The following NPTX1 variants were observed in gnomAD, a reference collection of about 807,000 sequenced individuals.
The protein encoded by NPTX1 is neuronal pentraxin 1.
A neutral mutation model predicts 38.7 loss-of-function variants in NPTX1; 12 were observed. The observed-to-expected ratio is 0.31, with a 90% CI of 0.20 to 0.50. The LOEUF is 0.50. Among genes scored for constraint, NPTX1 ranks in the 20% least tolerant of loss-of-function variants. The probability of loss-of-function intolerance (pLI) is 0.98; values close to 1 mark genes in which losing one functional copy is unlikely to be tolerated. For missense variants in NPTX1, 454 were observed against 592.2 expected, an observed-to-expected ratio of 0.77 and a Z score of 2.42; for synonymous variants, 272 against 264.9, an observed-to-expected ratio of 1.03 and a Z score of -0.26.
At position 80,475,815 on chromosome 17, in the gene NPTX1, G is replaced by A; in HGVS notation, c.445-97C>T. 1 of 1,038,478 alleles carries A rather than the reference G, an allele frequency of 9.6e-7. No homozygotes were observed. The highest frequency in any genetic ancestry group is 1.4e-6 in the Non-Finnish European group (1 of 730,582). The allele number at this position is 1,038,478 out of a possible 1,614,324, so 64.3% of individuals were successfully genotyped here. A position where few individuals can be genotyped will look rare whatever the true frequency, so the allele number is the denominator to read the frequency against. On this transcript the variant is annotated intron_variant, in intron 1 of 4. Transcript: ENST00000306773. This position sits in a 1 kb window ranked among gnomAD's most constrained non-coding sequence, Gnocchi z 6.5. The stretch of plus-strand genomic sequence containing the variant: ...CGCGGTCCCCTCTGGGCGACTGCGG[G>A]GGCGGCCTGGCAGGGAGCTGGGGCG...
rs771956878 is a variant in NPTX1, at chr17:80,476,108, C to A, written c.339G>T (p.Ser113=). The part of the protein sequence containing the change: ...RAGGGRKQPG[S]GKNTMGDLSR... ...ACAGGTCGCCCATGGTGTTCTTGCC[C>A]GAGCCGGGCTGCTTGCGGCCGCCGC... Residue 113 remains serine, a synonymous_variant, in exon 1 of 5, where the codon TCG becomes TCT. Transcript: ENST00000306773. This position sits in a 1 kb window ranked among gnomAD's most constrained non-coding sequence, Gnocchi z 6.3. The A allele has an allele frequency of 6.2e-7, 1 of 1,602,886 alleles. No individual in the cohort carries two copies. The highest frequency in any genetic ancestry group is 2.3e-5 in the East Asian group (1 of 44,102).
At chr17:80,472,732 G>C (rs1278700717) in intron 3 of NPTX1, among the ~76,000 whole-genome samples, 3 of 152,236 alleles carry the variant, frequency 2.0e-5, no homozygotes, top group African/African-American at 7.2e-5. Context: ...TGCCTGTGCT[G>C]TCCTGTTCCA....
chr17:80,473,869 C>T, intron 2 of NPTX1: 1 of 205,360 alleles, frequency 4.9e-6, no homozygotes, highest in South Asian at 7.6e-5. Context: ...GACCTGATTC[C>T]AGGATGGGGC....
Position 80,476,326 on chromosome 17 carries a change from T to C in NPTX1, c.121A>G (p.Met41Val), listed in dbSNP as rs763012179. The stretch of plus-strand genomic sequence containing the variant: ...CCGGCGGCCACGGACGCGGCGCACA[T>C]GTCGGCGTCCACGGGCACCGAGGTG... The part of the protein sequence containing the change: ...ICTSVPVDAD[M>V]CAASVAAGGA... Residue 41 changes from methionine to valine, a missense_variant, in exon 1 of 5, where the codon ATG (methionine) becomes GTG (valine). Transcript: ENST00000306773. This position sits in a 1 kb window ranked among gnomAD's most constrained non-coding sequence, Gnocchi z 6.3. 6.5e-7 allele frequency: 1 copy of C among 1,545,118 alleles called. No individual in the cohort carries two copies.
rs57367856 is a variant in NPTX1, at chr17:80,467,126, CTTTTTTTTTT to C, written c.*3677_*3686del. The C allele has an allele frequency of 2.5e-5, 2 of 79,104 alleles. No individual in the cohort carries two copies. The highest frequency in any genetic ancestry group is 1.0e-4 in the African/African-American group (2 of 19,888). The allele number at this position is 79,104 out of a possible 1,614,324, so 4.9% of individuals were successfully genotyped here. On this transcript the variant is annotated 3_prime_UTR_variant, in exon 5 of 5. Transcript: ENST00000306773. ...AACAATATCAACCATAGGGGGTTTG[CTTTTTTTTTT>C]TTTTTTTTTTTGGCAAATGAGACAA...
At position 80,471,091 on chromosome 17, in the gene NPTX1, A is replaced by G. The variant is rs546768539; in HGVS notation, c.1078-57T>C. The G allele has an allele frequency of 2.2e-6, 3 of 1,371,738 alleles. No individual in the cohort carries two copies. In the South Asian group the frequency reaches 4.0e-5, roughly 18 times the overall value. The allele number at this position is 1,371,738 out of a possible 1,614,324, so 85.0% of individuals were successfully genotyped here. A position where few individuals can be genotyped will look rare whatever the true frequency, so the allele number is the denominator to read the frequency against. The stretch of plus-strand genomic sequence containing the variant: ...GGGTCGCCAGGTGGTCTGGGGGCCC[A>G]TCCCTAGGCCGGGGATCTGAGTGCC... On this transcript the variant is annotated intron_variant, in intron 4 of 4. Coordinates refer to ENST00000306773, the MANE Select transcript of NPTX1 (RefSeq NM_002522.4).
At chr17:80,472,786 G>A (rs1182400947) in intron 3 of NPTX1, among the ~76,000 whole-genome samples, 1 of 152,208 alleles carries the variant, frequency 6.6e-6, no homozygotes, top group Non-Finnish European at 1.5e-5. Flanking sequence ...TTAGGGGGCT[G>A]AGTGGGATAG....
chr17:80,471,606 G>C, intron 4 of NPTX1, 126 bp downstream of exon 4: 1 of 1,436,820 alleles, frequency 7.0e-7, no homozygotes, highest in Non-Finnish European at 9.2e-7. Flanking sequence ...TGCCCAGCCT[G>C]CTCCCCGGGC....
chr17:80,473,084 C>G (rs985467975), intron 3 of NPTX1, 116 bp downstream of exon 3: 29 of 1,274,756 alleles, frequency 2.3e-5, no homozygotes, highest in Middle Eastern at 2.7e-4. Context: ...CTGGCAAACA[C>G]TTTCCTTGGG....
rs1047096588 is a variant in NPTX1 at position 80,469,995 on chromosome 17, G to A, written c.*818C>T. On this transcript the variant is annotated 3_prime_UTR_variant, in exon 5 of 5. Transcript: ENST00000306773. The stretch of plus-strand genomic sequence containing the variant: ...GAGGAGGTGGGAAGGTCGAGGGCAG[G>A]GCCGTCCTGGGGCAGAGCTAGCTGA... 6.6e-6 allele frequency: 1 copy of A among 152,558 alleles called. No individual in the cohort carries two copies. The highest frequency in any genetic ancestry group is 2.4e-5 in the African/African-American group (1 of 41,452). The allele number at this position is 152,558 out of a possible 1,614,324, so 9.5% of individuals were successfully genotyped here.
Position 80,470,558 on chromosome 17 carries a change from C to T in NPTX1, c.*255G>A. The T allele has an allele frequency of 2.5e-6, 1 of 395,622 alleles. No individual in the cohort carries two copies. Among genetic ancestry groups the T allele is most frequent in the Non-Finnish European group, 4.6e-6 (1 of 215,942 alleles). 24.5% of individuals were successfully genotyped at this position (395,622 alleles called of 1,614,324 possible). A position where few individuals can be genotyped will look rare whatever the true frequency, so the allele number is the denominator to read the frequency against. On this transcript the variant is annotated 3_prime_UTR_variant, in exon 5 of 5. Coordinates refer to ENST00000306773, the MANE Select transcript of NPTX1 (RefSeq NM_002522.4). ...CTGCCTTGTTCAAGACGTTGCAGCA[C>T]CCACTTCAGCTGTGAATGGGGCATG...
chr17:80,471,944 A>G (rs1265560024), intron 3 of NPTX1, 33 bp from the exon 4 acceptor site: 2 of 1,580,714 alleles, frequency 1.3e-6, no homozygotes, highest in South Asian at 1.1e-5. Context: ...CCAGCTGGTG[A>G]GTACAGGGGT....
Position 80,471,050 on chromosome 17 carries a change from G to T in NPTX1, c.1078-16C>A. 1 of 1,575,760 alleles carries T rather than the reference G, an allele frequency of 6.3e-7. No homozygotes were observed. Among genetic ancestry groups the T allele is most frequent in the African/African-American group, 1.3e-5 (1 of 74,510 alleles). ...CCAGAGTGTCCTTCAGAGAAAAACA[G>T]AGGATGAGAGTGGAGGGGTCGCCAG... On this transcript the variant is annotated splice_polypyrimidine_tract_variant and intron_variant, in intron 4 of 4. Transcript: ENST00000306773.
rs62070201 is a variant in NPTX1 at position 80,468,850 on chromosome 17, G to A, written c.*1963C>T. The stretch of plus-strand genomic sequence containing the variant: ...GTCGGACCCAGGGAGCAAGGAACAC[G>A]CCACCCCGAGGAACATGCAAACGGA... On this transcript the variant is annotated 3_prime_UTR_variant, in exon 5 of 5. Coordinates refer to ENST00000306773, the MANE Select transcript of NPTX1 (RefSeq NM_002522.4). 6,897 of 152,304 alleles carry A rather than the reference G, an allele frequency of 0.045. 234 individuals are homozygous for A. Among genetic ancestry groups the A allele is most frequent in the Non-Finnish European group, 0.071 (4,851 of 68,078 alleles). 9.4% of individuals were successfully genotyped at this position (152,304 alleles called of 1,614,324 possible).
rs2143046517 is a variant in NPTX1, at chr17:80,473,965, T to TC, written c.653-522dup. 3 of 170,796 alleles carry TC rather than the reference T, an allele frequency of 1.8e-5. No individual in the cohort carries two copies. In the East Asian group the frequency reaches 5.1e-4, roughly 29 times the overall value. 10.6% of individuals were successfully genotyped at this position (170,796 alleles called of 1,614,324 possible). On this transcript the variant is annotated intron_variant, in intron 2 of 4. Transcript: ENST00000306773. ...AGCCAGGCCCTGGTGCCCACACACT[T>TC]CCCTCCAGGCCAGATGTGCCTCTGA...
chr17:80,471,383 CA>C (rs1188841005), intron 4 of NPTX1, among the ~76,000 whole-genome samples: 1 of 152,226 alleles, frequency 6.6e-6, no homozygotes, highest in Non-Finnish European at 1.5e-5. Flanking sequence ...AGCTGCCCAA[CA>C]GGGACAGACG....
Position 80,476,606 on chromosome 17 carries a change from C to A in NPTX1, c.-160G>T, listed in dbSNP as rs1461845114. 2.4e-5 allele frequency: 5 copies of A among 205,400 alleles called. No individual in the cohort carries two copies. Among genetic ancestry groups the A allele is most frequent in the Non-Finnish European group, 4.3e-5 (5 of 115,990 alleles). 12.7% of individuals were successfully genotyped at this position (205,400 alleles called of 1,614,324 possible). A position where few individuals can be genotyped will look rare whatever the true frequency, so the allele number is the denominator to read the frequency against. On this transcript the variant is annotated 5_prime_UTR_variant, in exon 1 of 5. Transcript: ENST00000306773. The surrounding 1 kb of genome is among the most constrained non-coding windows in gnomAD (Gnocchi z 6.3). ...CCGCCGCGCTATCAGGCCCCCACTG[C>A]CGCCTGCGCTGCGGAGCCCGCGCCT...
At position 80,476,426 on chromosome 17, in the gene NPTX1, C is replaced by T; in HGVS notation, c.21G>A (p.Ala7=). 1 of 1,359,380 alleles carries T rather than the reference C, an allele frequency of 7.4e-7. No individual in the cohort carries two copies. Among genetic ancestry groups the T allele is most frequent in the East Asian group, 3.1e-5 (1 of 31,936 alleles). 84.2% of individuals were successfully genotyped at this position (1,359,380 alleles called of 1,614,324 possible). ...AGAGGGCGAGCAGCGCACAGGTGCG[C>T]GCGGCGCGGCCGGCCGGCATGGCTG... MPAGRA[A]RTCALLALCL... Residue 7 remains alanine, a synonymous_variant, in exon 1 of 5, where the codon GCG becomes GCA. Transcript: ENST00000306773. This position sits in a 1 kb window ranked among gnomAD's most constrained non-coding sequence, Gnocchi z 6.3.
rs370030542 is a variant in NPTX1 at position 80,475,985 on chromosome 17, C to T, written c.444+18G>A. On this transcript the variant is annotated intron_variant, in intron 1 of 4. Transcript: ENST00000306773. This position sits in a 1 kb window ranked among gnomAD's most constrained non-coding sequence, Gnocchi z 6.5. ...GAGCGAGCCGGAGGGGGAACCGGAGCCGAGGGCGCGCGCGGACCTCGAGGT... is the reference window on the plus strand; with the variant it reads ...GAGCGAGCCGGAGGGGGAACCGGAGTCGAGGGCGCGCGCGGACCTCGAGGT... 4.4e-6 allele frequency: 7 copies of T among 1,594,786 alleles called. No homozygotes were observed. The highest frequency in any genetic ancestry group is 4.1e-5 in the African/African-American group (3 of 72,752).
Sources: gnomAD v4.1 joint callset for allele counts (sites outside exome capture counted in the v4.1 genomes callset) on GRCh38, gnomAD v4.1.1 for gene constraint, Gnocchi (gnomAD v3.1) non-coding constraint, MANE v1.5 for transcripts, NCBI Gene and HGNC (gene_info 2026-07-23, HGNC 2026-07-21) for gene names.